GPC5: variants seen among roughly 807,000 people sequenced by gnomAD.
GPC5 encodes the protein glypican-5.
Under a neutral mutation model 53.9 loss-of-function variants are expected in GPC5, and 47 were observed. The observed-to-expected ratio is 0.87, with a 90% CI of 0.69 to 1.11. GPC5 has a LOEUF of 1.11. Among genes scored for constraint, GPC5 ranks in the 50% most tolerant of loss-of-function variants. The pLI is 0.00. For missense variants in GPC5, 748 were observed against 713.1 expected (o/e 1.05, Z -0.56); for synonymous variants, 286 against 263.3 (o/e 1.09, Z -0.84).
intron 7 of GPC5, among the ~76,000 whole-genome samples, chr13:92,654,219 T>C (rs1190629301): frequency 1.3e-5 from 2 of 152,236 alleles, no homozygotes; most frequent in African/African-American, 2.4e-5. Context: ...TGCCTCATTA[T>C]AGGGGAGAGT....
intron 6 of GPC5, among the ~76,000 whole-genome samples, chr13:92,076,231 G>A (rs1484023307): frequency 6.6e-6 from 1 of 152,008 alleles, no homozygotes; most frequent in Non-Finnish European, 1.5e-5. Context: ...ACCATGCCTG[G>A]CTTATTTTAT....
chr13:92,483,594 C>A (rs75118058), intron 7 of GPC5, among the ~76,000 whole-genome samples: 15,468 of 152,140 alleles, frequency 0.1, 868 homozygotes, highest in Non-Finnish European at 0.13. Context: ...AAATACTATA[C>A]ACTTAGAATA....
intron 3 of GPC5, among the ~76,000 whole-genome samples, chr13:91,700,129 T>C (rs935672366): frequency 6.6e-6 from 1 of 152,126 alleles, no homozygotes; most frequent in African/African-American, 2.4e-5. Flanking sequence ...ATTTTGGAGA[T>C]TTGACCCCTG....
chr13:92,738,600 A>C (rs1462419186), intron 7 of GPC5, among the ~76,000 whole-genome samples: 1 of 152,160 alleles, frequency 6.6e-6, no homozygotes, highest in African/African-American at 2.4e-5. Context: ...ACTATTCAAA[A>C]TAACAACTTA....
intron 7 of GPC5, among the ~76,000 whole-genome samples, chr13:92,169,270 A>G (rs1397850172): frequency 6.6e-6 from 1 of 152,194 alleles, no homozygotes; most frequent in Non-Finnish European, 1.5e-5. Flanking sequence ...AGGTGCAGCA[A>G]ACCACCATGG....
intron 6 of GPC5, among the ~76,000 whole-genome samples, chr13:92,034,953 A>AT (rs560145026): frequency 2.1e-4 from 32 of 152,282 alleles, no homozygotes; most frequent in African/African-American, 7.0e-4. Flanking sequence ...TTCCATCAAG[A>AT]TTCATGGTTG....
At chr13:91,775,405 C>T (rs973513792) in intron 5 of GPC5, among the ~76,000 whole-genome samples, 3 of 152,236 alleles carry the variant, frequency 2.0e-5, no homozygotes, top group Admixed American at 6.5e-5. Context: ...CCTAACCTAT[C>T]GATCTGCTAC....
At chr13:91,711,084 C>T (rs1046321690) in intron 3 of GPC5, among the ~76,000 whole-genome samples, 1 of 152,036 alleles carries the variant, frequency 6.6e-6, no homozygotes, top group African/African-American at 2.4e-5. Flanking sequence ...ACCATTTGAC[C>T]CAGCATTCCC....
At chr13:92,165,610 G>C (rs1247299509) in intron 7 of GPC5, among the ~76,000 whole-genome samples, 1 of 152,138 alleles carries the variant, frequency 6.6e-6, no homozygotes, top group African/African-American at 2.4e-5. Context: ...CAGCATAGGA[G>C]AACCACCCCC....
intron 7 of GPC5, among the ~76,000 whole-genome samples, chr13:92,423,814 G>T (rs1009861201): frequency 3.9e-5 from 6 of 152,190 alleles, no homozygotes; most frequent in African/African-American, 1.4e-4. Context: ...ATGACCTGAG[G>T]ATCTATCACT....
chr13:92,079,865 T>C (rs1397456562), intron 6 of GPC5, among the ~76,000 whole-genome samples: 4 of 152,192 alleles, frequency 2.6e-5, no homozygotes, highest in Non-Finnish European at 5.9e-5. Context: ...ATGCTGCATC[T>C]CCCGGTCAGT....
intron 1 of GPC5, among the ~76,000 whole-genome samples, chr13:91,440,289 C>T (rs568486273): frequency 1.3e-5 from 2 of 152,234 alleles, no homozygotes; most frequent in Admixed American, 1.3e-4. Context: ...TCTATCCATC[C>T]ATCTATTTAT....
At chr13:91,957,284 TA>T (rs1350595167) in intron 6 of GPC5, among the ~76,000 whole-genome samples, 1 of 152,278 alleles carries the variant, frequency 6.6e-6, no homozygotes, top group Non-Finnish European at 1.5e-5. Context: ...AAAGATTTTG[TA>T]AAAACGTTTT....
intron 7 of GPC5, among the ~76,000 whole-genome samples, chr13:92,838,361 G>A (rs1049837001): frequency 3.3e-4 from 50 of 151,802 alleles, no homozygotes; most frequent in Admixed American, 5.9e-4. Context: ...GTGGGCACTT[G>A]TAGTCCCAGC....
intron 5 of GPC5, among the ~76,000 whole-genome samples, chr13:91,786,212 G>A (rs9556115): frequency 0.031 from 4,699 of 152,026 alleles, 269 homozygotes; most frequent in East Asian, 0.22. Flanking sequence ...GGTCACGCTG[G>A]TCTCAAACTC....
chr13:92,335,543 C>T (rs1221588308), intron 7 of GPC5, among the ~76,000 whole-genome samples: 1 of 152,164 alleles, frequency 6.6e-6, no homozygotes. Context: ...CTGCAGCTCG[C>T]TTGAATTTCT....
intron 6 of GPC5, among the ~76,000 whole-genome samples, chr13:91,923,309 G>A (rs1332377657): frequency 3.3e-5 from 5 of 152,240 alleles, no homozygotes; most frequent in African/African-American, 4.8e-5. Context: ...CTTTGACGAC[G>A]TAGTTTGTCA....
At chr13:92,648,535 A>G (rs143387253) in intron 7 of GPC5, among the ~76,000 whole-genome samples, 1 of 152,236 alleles carries the variant, frequency 6.6e-6, no homozygotes, top group African/African-American at 2.4e-5. Flanking sequence ...TTTCCAAATT[A>G]ATTAGTTATT....
intron 7 of GPC5, among the ~76,000 whole-genome samples, chr13:92,618,475 A>T (rs1884769811): frequency 6.6e-6 from 1 of 152,074 alleles, no homozygotes; most frequent in South Asian, 2.1e-4. Context: ...GGCAAAAGGT[A>T]AGTAGATACA....
Sources: allele counts gnomAD v4.1 joint callset (sites outside exome capture counted in the v4.1 genomes callset), GRCh38; gene constraint gnomAD v4.1.1; transcripts MANE v1.5; gene names NCBI Gene and HGNC (gene_info 2026-07-23, HGNC 2026-07-21).